The following FCGR1A variants were observed in gnomAD, a reference collection of about 807,000 sequenced individuals.
FCGR1A encodes the protein high affinity immunoglobulin gamma Fc receptor I.
In FCGR1A, 13 loss-of-function variants were observed where a neutral mutation model predicts 35.0. That is an observed-to-expected ratio of 0.37 (90% CI 0.24 to 0.59). The LOEUF is 0.59. Among genes scored for constraint, FCGR1A ranks in the 20% least tolerant of loss-of-function variants. FCGR1A has a pLI of 0.71. For synonymous variants in FCGR1A, 91 were observed against 164.7 expected (o/e 0.55, Z 3.43); for missense variants, 227 against 430.0 (o/e 0.53, Z 4.17).
chr1:149,790,064 A>G lies in FCGR1A; in HGVS notation c.570A>G (p.Pro190=). The G allele has an allele frequency of 6.2e-7, 1 of 1,613,746 alleles. No homozygotes were observed. Residue 190 remains proline (P), a synonymous_variant, in exon 5 of 6, where the codon CCA becomes CCG. Coordinates refer to ENST00000369168, the MANE Select transcript of FCGR1A (RefSeq NM_000566.4). ...CAACTTTCTCCTTAGAGCTATTTCCAGCTCCAGTGCTGAATGCATCTGTGA... is the reference window on the plus strand; with the variant it reads ...CAACTTTCTCCTTAGAGCTATTTCCGGCTCCAGTGCTGAATGCATCTGTGA... ...GISVTVKELF[P]APVLNASVTS...
At chr1:149,795,363 T>TA (rs1378137675), downstream of FCGR1A, among the ~76,000 whole-genome samples, 2 of 143,252 alleles carry the variant, frequency 1.4e-5, no homozygotes, top group Admixed American at 7.0e-5. Flanking sequence ...GTACTGCATT[T>TA]ATTCACTCCA....
chr1:149,792,710 C>T (rs587743630), downstream of FCGR1A: 1,306 of 1,283,246 alleles, frequency 1.0e-3, 104 homozygotes, highest in African/African-American at 0.019. Flanking sequence ...AGCTGTTGGG[C>T]GCGCGCTTCT....
rs2091614742 is a variant in FCGR1A at position 149,788,626 on chromosome 1, T to A, written c.559+9T>A. The A allele has an allele frequency of 6.2e-7, 1 of 1,613,974 alleles. No individual in the cohort carries two copies. Among genetic ancestry groups the A allele is most frequent in the African/African-American group, 1.3e-5 (1 of 75,026 alleles). On this transcript the variant is annotated intron_variant, in intron 4 of 5. Coordinates refer to ENST00000369168, the MANE Select transcript of FCGR1A (RefSeq NM_000566.4). ...ATCTGTCACTGTGAAAGGTATTGTATTGGAATAGTCATAGAACTGATAGTC... is the reference window on the plus strand; with the variant it reads ...ATCTGTCACTGTGAAAGGTATTGTAATGGAATAGTCATAGAACTGATAGTC...
At chr1:149,796,046 T>C (rs1213816674), downstream of FCGR1A, among the ~76,000 whole-genome samples, 1 of 151,902 alleles carries the variant, frequency 6.6e-6, no homozygotes, top group Non-Finnish European at 1.5e-5. Flanking sequence ...TCTTTGTTAA[T>C]GCACATTGGC....
chr1:149,785,441 G>A (rs1346344239), intron 3 of FCGR1A, among the ~76,000 whole-genome samples: 2 of 107,462 alleles, frequency 1.9e-5, no homozygotes, highest in Non-Finnish European at 3.6e-5. Context: ...TTTTGAGACA[G>A]AGTCTCACTC....
intron 3 of FCGR1A, chr1:149,786,380 T>C (rs1316495565): frequency 1.3e-5 from 2 of 152,176 alleles, no homozygotes; most frequent in African/African-American, 4.8e-5. Flanking sequence ...CTGTGGCTTT[T>C]CTTTTCACTA....
downstream of FCGR1A, among the ~76,000 whole-genome samples, chr1:149,795,251 A>AAAATAAATAAAT (rs59487657): frequency 1.6e-4 from 17 of 108,712 alleles, no homozygotes; most frequent in East Asian, 7.0e-4. Context: ...CCCTGTCTCA[A>AAAATAAATAAAT]AAATAAATAA....
downstream of FCGR1A, chr1:149,792,894 C>G: frequency 7.9e-7 from 1 of 1,263,636 alleles, no homozygotes; most frequent in Non-Finnish European, 1.0e-6. Context: ...GGCGGCCCCC[C>G]AAAATCCCAA....
At position 149,784,049 on chromosome 1, in the gene FCGR1A, G is replaced by A; in HGVS notation, c.99G>A (p.Val33=). The A allele has an allele frequency of 6.2e-7, 1 of 1,610,440 alleles. No homozygotes were observed. The highest frequency in any genetic ancestry group is 8.5e-7 in the Non-Finnish European group (1 of 1,179,684). ...VITLQPPWVS[V]FQEETVTLHC... ...CTTTGCAGCCTCCATGGGTCAGCGT[G>A]TTCCAAGAGGAAACCGTAACCTTGC... is the stretch of plus-strand genomic sequence containing the variant. Residue 33 remains valine (V), a synonymous_variant, in exon 3 of 6, where the codon GTG becomes GTA. Transcript: ENST00000369168.
At chr1:149,792,576 C>T, downstream of FCGR1A, 2 of 1,189,380 alleles carry the variant, frequency 1.7e-6, no homozygotes, top group South Asian at 3.0e-5. Flanking sequence ...GATGGGGCGT[C>T]GCGCTCCGAG....
chr1:149,785,512 G>A (rs1212693230), intron 3 of FCGR1A: 1 of 143,730 alleles, frequency 7.0e-6, no homozygotes, highest in African/African-American at 2.6e-5. Context: ...TGACAGAGCT[G>A]TTTCAACAAG....
the FCGR1A span, among the ~76,000 whole-genome samples, chr1:149,800,147 G>C: frequency 3.9e-5 from 6 of 151,978 alleles, no homozygotes; most frequent in Admixed American, 3.9e-4. Flanking sequence ...AAACACTTGG[G>C]TTTACTGGTT....
In FCGR1A at chr1:149,791,537, C is replaced by T. The variant is rs1269072816; in HGVS notation, c.*20C>T. 1 of 1,610,228 alleles carries T rather than the reference C, an allele frequency of 6.2e-7. No homozygotes were observed. Among genetic ancestry groups the T allele is most frequent in the Non-Finnish European group, 8.5e-7 (1 of 1,179,480 alleles). The stretch of plus-strand genomic sequence containing the variant: ...ACGTAGCAGCGGCTCAGTGGGTGGC[C>T]ATCGATCTGGACCGTCCCCTGCCCA... On this transcript the variant is annotated 3_prime_UTR_variant, in exon 6 of 6. Transcript: ENST00000369168.
downstream of FCGR1A, chr1:149,793,858 C>T (rs1188251490): frequency 1.2e-4 from 153 of 1,272,464 alleles, no homozygotes; most frequent in Non-Finnish European, 1.5e-4. Flanking sequence ...CCAAAGCAGA[C>T]CAACCGGTTT....
At chr1:149,794,334 A>T (rs2091776070), downstream of FCGR1A, among the ~76,000 whole-genome samples, 1 of 151,958 alleles carries the variant, frequency 6.6e-6, no homozygotes, top group South Asian at 2.1e-4. Context: ...TGAGACAGCA[A>T]GTTGGTGGAG....
the FCGR1A span, among the ~76,000 whole-genome samples, chr1:149,800,044 A>C: frequency 6.6e-6 from 1 of 152,012 alleles, no homozygotes; most frequent in African/African-American, 2.4e-5. Context: ...CTGGGCCTCC[A>C]GAACTTCTGA....
At chr1:149,799,454 A>G in the FCGR1A span, among the ~76,000 whole-genome samples, 2 of 152,154 alleles carry the variant, frequency 1.3e-5, no homozygotes, top group African/African-American at 2.4e-5. Flanking sequence ...CTAAGGATGT[A>G]TGTATGCATT....
chr1:149,785,357 G>A (rs2091513167), intron 3 of FCGR1A, among the ~76,000 whole-genome samples: 1 of 142,142 alleles, frequency 7.0e-6, no homozygotes, highest in South Asian at 2.4e-4. Flanking sequence ...TTAGGTCTCT[G>A]TAAATAAGTT....
downstream of FCGR1A, among the ~76,000 whole-genome samples, chr1:149,796,097 T>C (rs2749354): frequency 6.6e-6 from 1 of 151,262 alleles, no homozygotes; most frequent in Non-Finnish European, 1.5e-5. Context: ...TGTCCTTCTC[T>C]CTTTATTCTC....
Sources: allele counts gnomAD v4.1 joint callset (sites outside exome capture counted in the v4.1 genomes callset), GRCh38; gene constraint gnomAD v4.1.1; transcripts MANE v1.5; gene names NCBI Gene and HGNC (gene_info 2026-07-23, HGNC 2026-07-21).